Variants in DACH1 observed in about 807,000 individuals in gnomAD.
DACH1 encodes the protein dachshund homolog 1.
Under a neutral mutation model 54.2 loss-of-function variants are expected in DACH1, and 12 were observed. The ratio of observed to expected loss-of-function variants is 0.22; its 90% CI spans 0.14 to 0.36. DACH1 has a LOEUF of 0.36. Among genes scored for constraint, DACH1 ranks in the 10% least tolerant of loss-of-function variants. The pLI, the probability that DACH1 is intolerant of heterozygous loss-of-function variation, is 1.00. For synonymous variants in DACH1, 386 were observed against 366.2 expected (o/e 1.05, Z -0.62); for missense variants, 805 against 929.8 (o/e 0.87, Z 1.75).
At chr13:71,836,454 T>A (rs1340716281) in intron 1 of DACH1, among the ~76,000 whole-genome samples, 1 of 152,050 alleles carries the variant, frequency 6.6e-6, no homozygotes, top group Non-Finnish European at 1.5e-5. Flanking sequence ...AGCCAGCAAG[T>A]GGCAGAGAAA....
chr13:71,537,481 T>C lies in DACH1; in HGVS notation c.1570+19543A>G, dbSNP rs534535262. On this transcript the variant is annotated intron_variant, in intron 6 of 10. Transcript: ENST00000613252. ...AATTTTATGAGAGCAGGGGATTTGT[T>C]GATCATCTTGCTTCCAGCAGCTAGA... 1.2e-4 allele frequency among the ~76,000 whole-genome samples: 18 copies of C among 152,250 alleles called. No individual in the cohort carries two copies. The South Asian group carries it at 1.7e-3, about 14-fold the overall frequency.
intron 4 of DACH1, among the ~76,000 whole-genome samples, chr13:71,562,737 G>C (rs1465628927): frequency 6.6e-6 from 1 of 152,004 alleles, no homozygotes; most frequent in Non-Finnish European, 1.5e-5. Flanking sequence ...CTTCACATCT[G>C]GATGCCAAAA....
intron 1 of DACH1, among the ~76,000 whole-genome samples, chr13:71,692,050 C>G (rs1380278955): frequency 3.4e-5 from 5 of 146,636 alleles, no homozygotes; most frequent in African/African-American, 7.5e-5. Context: ...CACACACAGA[C>G]ACACACATAC....
At chr13:71,809,036 C>T (rs1383390425) in intron 1 of DACH1, among the ~76,000 whole-genome samples, 3 of 152,118 alleles carry the variant, frequency 2.0e-5, no homozygotes, top group Non-Finnish European at 4.4e-5. Flanking sequence ...CATTTATATG[C>T]TTTAAGCGTT....
At chr13:71,694,024 TA>T (rs1178320196) in intron 1 of DACH1, among the ~76,000 whole-genome samples, 1 of 151,968 alleles carries the variant, frequency 6.6e-6, no homozygotes, top group Non-Finnish European at 1.5e-5. Context: ...CAAATGAGGG[TA>T]AAAAAACCTA....
Position 71,775,127 on chromosome 13 carries a change from C to CTTTTT in DACH1, c.848+90790_848+90794dup, listed in dbSNP as rs767902341. Among the ~76,000 whole-genome samples, 155 of 54,024 alleles carry CTTTTT rather than the reference C, an allele frequency of 2.9e-3. 20 individuals carry two copies. Among genetic ancestry groups the CTTTTT allele is most frequent in the Middle Eastern group, 0.016 (1 of 64 alleles). 35.4% of individuals were successfully genotyped at this position (54,024 alleles called of 152,430 possible). A position where few individuals can be genotyped will look rare whatever the true frequency, so the allele number is the denominator to read the frequency against. The stretch of plus-strand genomic sequence containing the variant: ...GAGCAAGACTCCATCTCAACACAAG[C>CTTTTT]TTTTTTTTTTTTTTTTTTTTTTTTT... On this transcript the variant is annotated intron_variant, in intron 1 of 10. Coordinates refer to ENST00000613252, the MANE Select transcript of DACH1 (RefSeq NM_080759.6).
chr13:71,797,439 C>A (rs543121452), intron 1 of DACH1, among the ~76,000 whole-genome samples: 3 of 152,122 alleles, frequency 2.0e-5, no homozygotes, highest in Non-Finnish European at 4.4e-5. Context: ...TCAAACAGTA[C>A]ATTGACTGAA....
At chr13:71,716,131 T>G (rs551702451) in intron 1 of DACH1, among the ~76,000 whole-genome samples, 1 of 151,824 alleles carries the variant, frequency 6.6e-6, no homozygotes, top group African/African-American at 2.4e-5. Flanking sequence ...TCCCAATCCT[T>G]CCCTCTTTTT....
intron 1 of DACH1, among the ~76,000 whole-genome samples, chr13:71,809,345 GT>G (rs973207490): frequency 2.0e-5 from 3 of 151,874 alleles, no homozygotes; most frequent in Admixed American, 6.6e-5. Flanking sequence ...TAACTTTTTT[GT>G]TTTTTGCAGA....
intron 1 of DACH1, among the ~76,000 whole-genome samples, chr13:71,815,396 A>ATGCC (rs1203011137): frequency 2.0e-5 from 3 of 152,132 alleles, no homozygotes; most frequent in Non-Finnish European, 4.4e-5. Flanking sequence ...ACCATTGCCT[A>ATGCC]AAATAACACT....
At chr13:71,564,115 A>G (rs1884761492) in intron 4 of DACH1, among the ~76,000 whole-genome samples, 1 of 152,174 alleles carries the variant, frequency 6.6e-6, no homozygotes, top group South Asian at 2.1e-4. Flanking sequence ...AGAGTATTCT[A>G]TAAGATGGAG....
At chr13:71,612,604 A>G (rs1289153015) in intron 3 of DACH1, among the ~76,000 whole-genome samples, 2 of 152,150 alleles carry the variant, frequency 1.3e-5, no homozygotes, top group Non-Finnish European at 2.9e-5. Context: ...GCAAAAAACG[A>G]TCTTCTCTGG....
At chr13:71,461,186 C>T (rs1213069027) in intron 10 of DACH1, among the ~76,000 whole-genome samples, 1 of 151,946 alleles carries the variant, frequency 6.6e-6, no homozygotes, top group East Asian at 1.9e-4. Flanking sequence ...TTATCCTTTG[C>T]AATATTTATA....
At chr13:71,684,646 A>G (rs954929518) in intron 1 of DACH1, among the ~76,000 whole-genome samples, 1 of 152,076 alleles carries the variant, frequency 6.6e-6, no homozygotes. Flanking sequence ...GGAACCTATA[A>G]TTCTTCCTGC....
At chr13:71,442,386 G>A (rs1874085661) in intron 10 of DACH1, among the ~76,000 whole-genome samples, 1 of 151,992 alleles carries the variant, frequency 6.6e-6, no homozygotes, top group African/African-American at 2.4e-5. Context: ...TCTTTTTATG[G>A]CTGAATAGTA....
intron 1 of DACH1, among the ~76,000 whole-genome samples, chr13:71,856,616 G>C (rs1486682414): frequency 4.0e-5 from 6 of 151,782 alleles, no homozygotes; most frequent in Non-Finnish European, 8.8e-5. Flanking sequence ...TTTATATTTT[G>C]TACAAAGTTT....
At chr13:71,482,003 A>G (rs1878077909) in intron 7 of DACH1, among the ~76,000 whole-genome samples, 1 of 152,212 alleles carries the variant, frequency 6.6e-6, no homozygotes, top group African/African-American at 2.4e-5. Context: ...GGTTTAAAGC[A>G]TGATTTTTTC....
intron 6 of DACH1, among the ~76,000 whole-genome samples, chr13:71,503,596 A>G (rs1880087246): frequency 6.6e-6 from 1 of 152,246 alleles, no homozygotes; most frequent in Non-Finnish European, 1.5e-5. Flanking sequence ...ATAATAAACT[A>G]CATTTGTGGC....
chr13:71,443,984 G>A (rs2138099379), intron 10 of DACH1, among the ~76,000 whole-genome samples: 1 of 152,114 alleles, frequency 6.6e-6, no homozygotes, highest in African/African-American at 2.4e-5. Flanking sequence ...GCTTAATTGG[G>A]CTCACCTGTG....
Sources: allele counts gnomAD v4.1 joint callset (sites outside exome capture counted in the v4.1 genomes callset), GRCh38; gene constraint gnomAD v4.1.1; transcripts MANE v1.5; gene names NCBI Gene and HGNC (gene_info 2026-07-23, HGNC 2026-07-21).